Variants in HAUS7 observed in about 807,000 individuals in gnomAD.
The protein encoded by HAUS7 is HAUS augmin like complex subunit 7, also known as HAUS augmin-like complex subunit 7.
HAUS7 carries 3 observed loss-of-function variants against 28.4 expected under a neutral mutation model. That is an observed-to-expected ratio of 0.11 (90% CI 0.05 to 0.27). HAUS7 has a LOEUF of 0.27. Ranked by LOEUF, HAUS7 falls within the 10% of genes least tolerant of loss-of-function variation. The pLI, the probability that HAUS7 is intolerant of heterozygous loss-of-function variation, is 1.00. For synonymous variants in HAUS7, 165 were observed against 132.1 expected, an observed-to-expected ratio of 1.25 and a Z score of -1.71; for missense variants, 284 against 297.3, an observed-to-expected ratio of 0.96 and a Z score of 0.33.
intron 1 of HAUS7, among the ~76,000 whole-genome samples, chrX:153,491,983 C>T (rs1188369814): frequency 1.8e-5 from 2 of 112,950 alleles, no homozygotes; most frequent in African/African-American, 6.4e-5. Context: ...ACATACAGGC[C>T]GTGCTGGAAG....
intron 1 of HAUS7, among the ~76,000 whole-genome samples, chrX:153,476,514 G>A (rs1261505111): frequency 8.9e-6 from 1 of 111,948 alleles, no homozygotes; most frequent in East Asian, 2.8e-4. Context: ...GGAGGACAAG[G>A]GACAGGAGTC....
upstream of HAUS7, among the ~76,000 whole-genome samples, chrX:153,471,850 G>A (rs1328119640): frequency 1.8e-5 from 2 of 112,703 alleles, no homozygotes; most frequent in East Asian, 2.8e-4. Context: ...CAGGCCCAGC[G>A]AAGTGCCTCA....
intron 9 of HAUS7, among the ~76,000 whole-genome samples, chrX:153,451,541 G>A (rs915213951): frequency 8.0e-5 from 9 of 111,940 alleles, no homozygotes; most frequent in African/African-American, 2.9e-4. Context: ...CCGAGGAGAC[G>A]GCTGGCTGGA....
intron 4 of HAUS7, among the ~76,000 whole-genome samples, chrX:153,461,157 C>T (rs2089384844): frequency 8.9e-6 from 1 of 112,700 alleles, no homozygotes; most frequent in Non-Finnish European, 1.9e-5. Context: ...CTAAGCAGGT[C>T]AAGTGCCTGC....
chrX:153,484,786 C>T (rs1404156175), intron 1 of HAUS7, among the ~76,000 whole-genome samples: 6 of 113,281 alleles, frequency 5.3e-5, no homozygotes, highest in Non-Finnish European at 1.1e-4. Context: ...ACTCCCGCCA[C>T]GAGGCCTGGG....
Position 153,454,785 on chromosome X carries a change from C to T in HAUS7, c.931-277G>A. 13 of 636,755 alleles carry T rather than the reference C, an allele frequency of 2.0e-5. No individual in the cohort carries two copies. In the South Asian group the frequency reaches 2.8e-4, roughly 14 times the overall value. The allele number at this position is 636,755 out of a possible 1,213,427, so 52.5% of individuals were successfully genotyped here. ...CCCTCGATGCCTAGGGACATGCCAG[C>T]CAGCACTGCGTGTCCTCCCAGCCCC... On this transcript the variant is annotated intron_variant, in intron 8 of 9. Transcript: ENST00000370211.
At chrX:153,463,444 T>C (rs2089418052) in intron 3 of HAUS7, among the ~76,000 whole-genome samples, 1 of 111,483 alleles carries the variant, frequency 9.0e-6, no homozygotes, top group Non-Finnish European at 1.9e-5. Context: ...GCCAACTCTA[T>C]AAATCCAGAT....
chrX:153,464,473 GAACA>G (rs1472899259), intron 3 of HAUS7, among the ~76,000 whole-genome samples: 6 of 112,409 alleles, frequency 5.3e-5, no homozygotes, highest in African/African-American at 1.9e-4. Flanking sequence ...GGAGTGGCCA[GAACA>G]GACACAGGCC....
chrX:153,467,545 G>A (rs1225016860), intron 2 of HAUS7, among the ~76,000 whole-genome samples: 10 of 111,273 alleles, frequency 9.0e-5, no homozygotes, highest in African/African-American at 2.9e-4. Flanking sequence ...CGAGCACCCC[G>A]CTGTTACCGT....
At chrX:153,476,886 T>G (rs985028806) in intron 1 of HAUS7, among the ~76,000 whole-genome samples, 4 of 110,204 alleles carry the variant, frequency 3.6e-5, no homozygotes, top group Admixed American at 1.9e-4. Context: ...CAGTGAGCTC[T>G]TGGGCGGGGG....
rs147275229 is a variant in HAUS7, at chrX:153,486,724, C to T, written c.-589+8650G>A. ...GGAGAACAACCTCATTGACCGGCGC[C>T]GCATCCCGCCCACTGCCTTCTCCTG... is the stretch of plus-strand genomic sequence containing the variant. On this transcript the variant is annotated intron_variant, in intron 1 of 5. Coordinates refer to the HAUS7 transcript ENST00000370210. The T allele has an allele frequency of 8.5e-4, 838 of 981,223 alleles. 6 individuals are homozygous for T. The African/African-American group carries it at 0.015, about 17-fold the overall frequency. The allele number at this position is 981,223 out of a possible 1,213,427, so 80.9% of individuals were successfully genotyped here. A position where few individuals can be genotyped will look rare whatever the true frequency, so the allele number is the denominator to read the frequency against.
Position 153,447,812 on chromosome X carries a change from A to G in HAUS7, c.*66T>C, listed in dbSNP as rs1556980304. On this transcript the variant is annotated 3_prime_UTR_variant, in exon 10 of 10. Coordinates refer to ENST00000370211, the MANE Select transcript of HAUS7 (RefSeq NM_001385482.1). ...CAATCATCCATCCTCGGCCAACTCG[A>G]TCTTGGGAGAGGGCTTCCTGCCCGC... is the stretch of plus-strand genomic sequence containing the variant. The G allele has an allele frequency of 1.1e-6, 1 of 935,134 alleles. No individual in the cohort carries two copies. The highest frequency in any genetic ancestry group is 1.9e-5 in the African/African-American group (1 of 52,629). The allele number at this position is 935,134 out of a possible 1,213,427, so 77.1% of individuals were successfully genotyped here. A position where few individuals can be genotyped will look rare whatever the true frequency, so the allele number is the denominator to read the frequency against.
In HAUS7 at chrX:153,479,382, C is replaced by T. The variant is rs1379702586; in HGVS notation, c.-588-8237G>A. ...TGCTGCCCAGCCCACCAGGGGCCCC[C>T]GACGGTGAGTAGCTGGCACCAGCAG... On this transcript the variant is annotated intron_variant, in intron 1 of 5. Coordinates refer to the HAUS7 transcript ENST00000370210. 8.0e-6 allele frequency: 6 copies of T among 753,264 alleles called. No individual in the cohort carries two copies. The East Asian group carries it at 6.1e-4, about 77-fold the overall frequency. The allele number at this position is 753,264 out of a possible 1,213,427, so 62.1% of individuals were successfully genotyped here.
chrX:153,463,790 C>T (rs1482343640), intron 3 of HAUS7, among the ~76,000 whole-genome samples: 1 of 112,879 alleles, frequency 8.9e-6, no homozygotes, highest in African/African-American at 3.2e-5. Context: ...TCTTCCTCTC[C>T]GCACATGCCG....
At position 153,447,791 on chromosome X, in the gene HAUS7, C is replaced by G; in HGVS notation, c.*87G>C. On this transcript the variant is annotated 3_prime_UTR_variant, in exon 10 of 10. Transcript: ENST00000370211. ...CTGCAACGGCTTCTGCTGCCACAAT[C>G]ATCCATCCTCGGCCAACTCGATCTT... The G allele has an allele frequency of 1.3e-6, 1 of 772,388 alleles. No homozygotes were observed. The highest frequency in any genetic ancestry group is 2.0e-6 in the Non-Finnish European group (1 of 493,041). The allele number at this position is 772,388 out of a possible 1,213,427, so 63.7% of individuals were successfully genotyped here. A position where few individuals can be genotyped will look rare whatever the true frequency, so the allele number is the denominator to read the frequency against.
intron 1 of HAUS7, chrX:153,483,575 G>A: frequency 5.4e-6 from 3 of 552,117 alleles, no homozygotes; most frequent in Non-Finnish European, 6.6e-6. Flanking sequence ...CCCCAGAGAG[G>A]GCCAGGAGGC....
chrX:153,451,615 TG>T (rs1440477012), intron 9 of HAUS7, among the ~76,000 whole-genome samples: 2 of 111,941 alleles, frequency 1.8e-5, no homozygotes, highest in Non-Finnish European at 3.8e-5. Flanking sequence ...AACCACTACT[TG>T]GGGGTGCAAC....
At chrX:153,457,408 C>T (rs1249484668) in intron 4 of HAUS7, among the ~76,000 whole-genome samples, 180 bp from the exon 5 acceptor site, 1 of 113,325 alleles carries the variant, frequency 8.8e-6, no homozygotes, top group Non-Finnish European at 1.9e-5. Context: ...GTGCTCCCTG[C>T]CTGGTCCCTG....
chrX:153,495,063 C>G (rs1378452003), intron 1 of HAUS7: 2 of 110,294 alleles, frequency 1.8e-5, no homozygotes, highest in Non-Finnish European at 3.8e-5. Context: ...GACGGCCCAC[C>G]ACCCCAGCCC....
Sources: gnomAD v4.1 joint callset for allele counts (sites outside exome capture counted in the v4.1 genomes callset) on GRCh38, gnomAD v4.1.1 for gene constraint, MANE v1.5 for transcripts, NCBI Gene and HGNC (gene_info 2026-07-23, HGNC 2026-07-21) for gene names.